ROCK1: variants seen among roughly 807,000 people sequenced by gnomAD.
The protein encoded by ROCK1 is Rho associated coiled-coil containing protein kinase 1, also known as rho-associated protein kinase 1.
A neutral mutation model predicts 196.8 loss-of-function variants in ROCK1; 36 were observed. The ratio of observed to expected loss-of-function variants is 0.18; its 90% CI spans 0.14 to 0.24. ROCK1 has a LOEUF of 0.24. Ranked by LOEUF, ROCK1 falls within the 10% of genes least tolerant of loss-of-function variation. The pLI, the probability that ROCK1 is intolerant of heterozygous loss-of-function variation, is 1.00. For synonymous variants in ROCK1, 443 were observed against 515.9 expected, an observed-to-expected ratio of 0.86 and a Z score of 1.91; for missense variants, 920 against 1,562.0, an observed-to-expected ratio of 0.59 and a Z score of 6.93.
chr18:20,999,549 T>C (rs2035704158), intron 16 of ROCK1, among the ~76,000 whole-genome samples: 1 of 152,060 alleles, frequency 6.6e-6, no homozygotes, highest in Non-Finnish European at 1.5e-5. Flanking sequence ...AAAATTCCCT[T>C]TAAGAGCATC....
chr18:20,959,129 AT>A (rs2035295906), intron 29 of ROCK1, among the ~76,000 whole-genome samples: 4 of 53,946 alleles, frequency 7.4e-5, no homozygotes, highest in African/African-American at 2.9e-4. Context: ...TAATATATAT[AT>A]TATATATATT....
intron 1 of ROCK1, among the ~76,000 whole-genome samples, chr18:21,084,090 G>T (rs2036505523): frequency 6.6e-6 from 1 of 152,082 alleles, no homozygotes; most frequent in South Asian, 2.1e-4. Flanking sequence ...AGAATCAAGT[G>T]GGAGCCCCTA....
At chr18:21,043,944 T>A (rs775889038) in intron 6 of ROCK1, among the ~76,000 whole-genome samples, 158 bp downstream of exon 6, 1 of 152,120 alleles carries the variant, frequency 6.6e-6, no homozygotes, top group African/African-American at 2.4e-5. Context: ...ATTGAAACCA[T>A]GGTATCTAGT....
intron 6 of ROCK1, among the ~76,000 whole-genome samples, chr18:21,043,717 T>C (rs2036130911): frequency 6.6e-6 from 1 of 151,696 alleles, no homozygotes; most frequent in Admixed American, 6.6e-5. Context: ...TTAACTGAAG[T>C]AAAACACTAA....
intron 1 of ROCK1, among the ~76,000 whole-genome samples, chr18:21,078,488 T>C (rs1254082698): frequency 6.6e-6 from 1 of 152,052 alleles, no homozygotes; most frequent in Non-Finnish European, 1.5e-5. Flanking sequence ...TCGCAGCTCT[T>C]GTCTAGCAGG....
chr18:20,974,837 C>T (rs1413558651), intron 22 of ROCK1, among the ~76,000 whole-genome samples: 5 of 152,164 alleles, frequency 3.3e-5, no homozygotes, highest in Admixed American at 6.5e-5. Flanking sequence ...GGGGCTGTTC[C>T]TACTCTGATC....
intron 2 of ROCK1, among the ~76,000 whole-genome samples, chr18:21,060,616 G>C (rs1442825295): frequency 6.6e-6 from 1 of 152,150 alleles, no homozygotes; most frequent in Non-Finnish European, 1.5e-5. Flanking sequence ...GAGGCAGACA[G>C]AGCACCTGAG....
At chr18:20,973,881 C>T (rs908680494) in intron 22 of ROCK1, among the ~76,000 whole-genome samples, 5 of 148,064 alleles carry the variant, frequency 3.4e-5, no homozygotes, top group African/African-American at 7.5e-5. Context: ...CCCGGGTTCA[C>T]GCCATTCTCC....
At chr18:20,968,018 C>A in intron 25 of ROCK1, 78 bp from the exon 26 acceptor site, 1 of 1,217,658 alleles carries the variant, frequency 8.2e-7, no homozygotes, top group Non-Finnish European at 1.1e-6. Flanking sequence ...TCTTCAAAAT[C>A]AGGAAGCAGG....
intron 2 of ROCK1, among the ~76,000 whole-genome samples, chr18:21,057,827 AAAATT>A (rs997317837): frequency 1.3e-5 from 2 of 152,178 alleles, no homozygotes; most frequent in Non-Finnish European, 2.9e-5. Context: ...TATCAAGAAA[AAAATT>A]AAATTAAATT....
chr18:21,003,327 G>C (rs1164529700), intron 16 of ROCK1, among the ~76,000 whole-genome samples: 1 of 152,014 alleles, frequency 6.6e-6, no homozygotes, highest in African/African-American at 2.4e-5. Flanking sequence ...ATAAACTTAA[G>C]GGACGTATTA....
At chr18:21,066,485 G>C (rs1420324322) in intron 2 of ROCK1, among the ~76,000 whole-genome samples, 1 of 152,116 alleles carries the variant, frequency 6.6e-6, no homozygotes, top group African/African-American at 2.4e-5. Flanking sequence ...AATAAACATA[G>C]AGTAAATGAT....
intron 1 of ROCK1, among the ~76,000 whole-genome samples, chr18:21,084,255 CA>C (rs56033980): frequency 6.8e-6 from 1 of 147,934 alleles, no homozygotes; most frequent in Admixed American, 6.7e-5. Flanking sequence ...ACACAGGCAA[CA>C]AAAAAAAAAC....
In ROCK1 at chr18:20,991,343, G is replaced by C. The variant is rs117313293; in HGVS notation, c.1993-17C>G. The C allele has an allele frequency of 1.7e-5, 27 of 1,555,456 alleles. No homozygotes were observed. The highest frequency in any genetic ancestry group is 2.7e-5 in the African/African-American group (2 of 73,178). ...ATTCTTTTCCTGTAAAATGGGAGTA[G>C]GAGTCATGTAATAAACTGTGCAGAA... On this transcript the variant is annotated splice_polypyrimidine_tract_variant and intron_variant, in intron 17 of 32. Transcript: ENST00000399799.
intron 16 of ROCK1, among the ~76,000 whole-genome samples, chr18:21,003,511 A>T (rs2035744084): frequency 6.6e-6 from 1 of 152,140 alleles, no homozygotes; most frequent in Non-Finnish European, 1.5e-5. Flanking sequence ...TTGTCTTTTT[A>T]AAAAAGAGTC....
chr18:21,081,100 T>C (rs953303664), intron 1 of ROCK1, among the ~76,000 whole-genome samples: 10 of 152,164 alleles, frequency 6.6e-5, no homozygotes, highest in African/African-American at 1.7e-4. Context: ...TTCTCAAGAA[T>C]AGACTTATTA....
intron 16 of ROCK1, among the ~76,000 whole-genome samples, chr18:20,998,863 C>T (rs1487340810): frequency 7.2e-5 from 11 of 152,038 alleles, no homozygotes; most frequent in Admixed American, 7.2e-4. Flanking sequence ...CCCACCTTGG[C>T]CTCTCAAAGT....
rs1346625082 is a variant in ROCK1 at position 20,948,328 on chromosome 18, A to T, written c.*3056T>A. On this transcript the variant is annotated 3_prime_UTR_variant, in exon 33 of 33. Transcript: ENST00000399799. The stretch of plus-strand genomic sequence containing the variant: ...AAGAAGTATTTTCAATGAATACTGC[A>T]GTATCAACTGAATATCCATATGGGA... The T allele has an allele frequency of 6.6e-6, 1 of 152,084 alleles. No individual in the cohort carries two copies. Among genetic ancestry groups the T allele is most frequent in the Non-Finnish European group, 1.5e-5 (1 of 68,052 alleles). The allele number at this position is 152,084 out of a possible 1,614,324, so 9.4% of individuals were successfully genotyped here.
At chr18:21,065,388 C>T (rs2036325564) in intron 2 of ROCK1, among the ~76,000 whole-genome samples, 2 of 151,668 alleles carry the variant, frequency 1.3e-5, no homozygotes, top group Non-Finnish European at 2.9e-5. Context: ...AACAAATGAG[C>T]TCTCTTGCAT....
Sources: gnomAD v4.1 joint callset for allele counts (sites outside exome capture counted in the v4.1 genomes callset) on GRCh38, gnomAD v4.1.1 for gene constraint, MANE v1.5 for transcripts, NCBI Gene and HGNC (gene_info 2026-07-23, HGNC 2026-07-21) for gene names.